Variants in PRIM2 observed in about 807,000 individuals in gnomAD.
PRIM2 encodes the protein DNA primase subunit 2.
PRIM2 carries 39 observed loss-of-function variants against 67.3 expected under a neutral mutation model. The ratio of observed to expected loss-of-function variants is 0.58; its 90% CI spans 0.45 to 0.76. PRIM2 has a LOEUF of 0.76. PRIM2 is among the 30% of genes least tolerant of loss of function. The pLI is 0.00. For missense variants in PRIM2, 398 were observed against 598.7 expected, an observed-to-expected ratio of 0.66 and a Z score of 3.50; for synonymous variants, 143 against 198.7, an observed-to-expected ratio of 0.72 and a Z score of 2.36.
At chr6:57,482,105 T>C (rs1302820298) in intron 7 of PRIM2, among the ~76,000 whole-genome samples, 5 of 151,772 alleles carry the variant, frequency 3.3e-5, no homozygotes, top group African/African-American at 1.2e-4. Context: ...AAAATTTGGG[T>C]ATTGATGCCT....
At chr6:57,248,429 A>G in the PRIM2 span, among the ~76,000 whole-genome samples, 7 of 152,312 alleles carry the variant, frequency 4.6e-5, no homozygotes, top group Non-Finnish European at 8.8e-5. Context: ...TGGTGTTTCG[A>G]ACAAATAATT....
chr6:57,598,057 A>G, intron 10 of PRIM2, among the ~76,000 whole-genome samples: 1 of 152,230 alleles, frequency 6.6e-6, no homozygotes, highest in East Asian at 1.9e-4. Flanking sequence ...ATTTCACTCT[A>G]GTTATTAGAG....
the PRIM2 span, among the ~76,000 whole-genome samples, chr6:57,235,464 C>CA: frequency 0.71 from 103,456 of 145,906 alleles, 37,863 homozygotes; most frequent in South Asian, 0.93. Context: ...AACTCCATTT[C>CA]AAAAAAAAAA....
At chr6:57,356,169 C>G (rs1769023696) in intron 5 of PRIM2, among the ~76,000 whole-genome samples, 1 of 152,150 alleles carries the variant, frequency 6.6e-6, no homozygotes, top group Non-Finnish European at 1.5e-5. Flanking sequence ...AGCATAGGCT[C>G]TGGTGCTGTA....
intron 5 of PRIM2, among the ~76,000 whole-genome samples, chr6:57,359,315 T>C (rs555340440): frequency 2.0e-5 from 3 of 152,312 alleles, no homozygotes; most frequent in African/African-American, 7.2e-5. Flanking sequence ...CAGTAACTAG[T>C]AATTGCCATG....
At position 57,548,593 on chromosome 6, in the gene PRIM2, T is replaced by C. The variant is rs1366311890; in HGVS notation, c.1020+10968T>C. On this transcript the variant is annotated intron_variant, in intron 10 of 13. Transcript: ENST00000615550. ...TTTCCTATGTGATGTTCCCTGAGTG[T>C]AGAATTTGTTTCTTTCTTACTGTGA... Among the ~76,000 whole-genome samples the C allele has an allele frequency of 3.9e-5, 6 of 152,332 alleles. No individual in the cohort carries two copies. The East Asian group carries it at 1.2e-3, about 29-fold the overall frequency.
At position 57,398,642 on chromosome 6, in the gene PRIM2, C is replaced by T. The variant is rs1770603691; in HGVS notation, c.693+16474C>T. On this transcript the variant is annotated intron_variant, in intron 7 of 13. Coordinates refer to ENST00000615550, the MANE Select transcript of PRIM2 (RefSeq NM_000947.5). ...TTTTATTGGTTTTGGATGGAGAGTT[C>T]TGTAGAGGTCCATCAGATCCATTTG... Among the ~76,000 whole-genome samples, 4 of 152,248 alleles carry T rather than the reference C, an allele frequency of 2.6e-5. No homozygotes were observed. In the South Asian group the frequency reaches 8.3e-4, roughly 32 times the overall value.
intron 10 of PRIM2, among the ~76,000 whole-genome samples, chr6:57,553,185 C>T (rs1178815922): frequency 2.0e-5 from 3 of 151,932 alleles, no homozygotes; most frequent in South Asian, 2.1e-4. Context: ...AATATAGTCG[C>T]TTTGTAATTT....
At chr6:57,513,524 G>A (rs1387363077) in intron 8 of PRIM2, among the ~76,000 whole-genome samples, 1 of 152,020 alleles carries the variant, frequency 6.6e-6, no homozygotes, top group Non-Finnish European at 1.5e-5. Flanking sequence ...TACAGTGTAT[G>A]TATCTTCCTC....
chr6:57,492,313 C>T (rs1554346032), intron 7 of PRIM2, among the ~76,000 whole-genome samples: 13 of 152,086 alleles, frequency 8.5e-5, no homozygotes, highest in African/African-American at 2.9e-4. Context: ...GAGGCCGAGG[C>T]GGGCAGATCA....
chr6:57,426,644 A>G (rs1771635109), intron 7 of PRIM2, among the ~76,000 whole-genome samples: 2 of 152,224 alleles, frequency 1.3e-5, no homozygotes, highest in Admixed American at 6.5e-5. Flanking sequence ...TTGGGGACCA[A>G]GTTGTATTTG....
chr6:57,232,964 T>A, the PRIM2 span, among the ~76,000 whole-genome samples: 11 of 152,208 alleles, frequency 7.2e-5, no homozygotes, highest in Non-Finnish European at 1.3e-4. Flanking sequence ...TGGCCACAGA[T>A]CAAGAATCAG....
chr6:57,350,944 G>T (rs1316277861), intron 5 of PRIM2, among the ~76,000 whole-genome samples: 1 of 151,490 alleles, frequency 6.6e-6, no homozygotes, highest in Non-Finnish European at 1.5e-5. Flanking sequence ...AAAGCAGTTT[G>T]TCATGGGAAA....
upstream of PRIM2, among the ~76,000 whole-genome samples, chr6:57,311,717 A>G (rs993560511): frequency 2.6e-5 from 4 of 151,940 alleles, no homozygotes; most frequent in Admixed American, 6.6e-5. Flanking sequence ...AGATCAAGCC[A>G]CTGCACTCCA....
intron 5 of PRIM2, among the ~76,000 whole-genome samples, chr6:57,372,937 TA>T (rs1197289983): frequency 1.3e-5 from 2 of 152,116 alleles, no homozygotes; most frequent in African/African-American, 2.4e-5. Flanking sequence ...ATCTTTATAA[TA>T]AAAAAATAAA....
the PRIM2 span, among the ~76,000 whole-genome samples, chr6:57,284,052 T>C: frequency 6.6e-6 from 1 of 152,144 alleles, no homozygotes; most frequent in South Asian, 2.1e-4. Flanking sequence ...CAACAGATTA[T>C]ATGGTCACTC....
At chr6:57,525,388 T>C (rs1470738846) in intron 8 of PRIM2, among the ~76,000 whole-genome samples, 129 of 152,318 alleles carry the variant, frequency 8.5e-4, no homozygotes, top group African/African-American at 3.1e-3. Context: ...GGCCTTTGAC[T>C]TTTTTTGTGA....
intron 7 of PRIM2, among the ~76,000 whole-genome samples, chr6:57,429,227 C>T (rs573278093): frequency 0.01 from 1,547 of 152,270 alleles, 28 homozygotes; most frequent in African/African-American, 0.034. Context: ...CAGAATATAA[C>T]AAGGACAAGT....
intron 8 of PRIM2, among the ~76,000 whole-genome samples, chr6:57,526,027 T>G (rs1162204817): frequency 1.3e-5 from 2 of 152,212 alleles, no homozygotes; most frequent in Non-Finnish European, 2.9e-5. Context: ...AAGTGTCTTA[T>G]AGAGAGAGAA....
Sources: allele counts gnomAD v4.1 joint callset (sites outside exome capture counted in the v4.1 genomes callset), GRCh38; gene constraint gnomAD v4.1.1; transcripts MANE v1.5; gene names NCBI Gene and HGNC (gene_info 2026-07-23, HGNC 2026-07-21).